The following KIF26A variants were observed in gnomAD, a reference collection of about 807,000 sequenced individuals.
KIF26A encodes the protein kinesin family member 26A, also known as kinesin-like protein KIF26A.
KIF26A carries 74 observed loss-of-function variants against 126.0 expected under a neutral mutation model. The observed-to-expected ratio is 0.59, with a 90% confidence interval of 0.49 to 0.71. KIF26A has a LOEUF of 0.71. Ranked by LOEUF, KIF26A falls within the 30% of genes least tolerant of loss-of-function variation. KIF26A has a pLI of 0.00. For synonymous variants in KIF26A, 1,445 were observed against 1,232.7 expected, an observed-to-expected ratio of 1.17 and a Z score of -3.61; for missense variants, 2,984 against 2,763.3, an observed-to-expected ratio of 1.08 and a Z score of -1.79.
rs373969087 is a variant in KIF26A at position 104,177,798 on chromosome 14, C to A, written c.5010C>A (p.Thr1670=). 10 of 1,558,314 alleles carry A rather than the reference C, an allele frequency of 6.4e-6. No homozygotes were observed. The highest frequency in any genetic ancestry group is 8.6e-6 in the Non-Finnish European group (10 of 1,159,846). ...YESLRRDSEA[T]GSASSAPDSM... ...GCCTGCGGCGCGACAGCGAGGCCAC[C>A]GGCAGCGCCTCCTCCGCCCCTGACT... Residue 1670 remains threonine, a synonymous_variant, in exon 12 of 15, where the codon ACC becomes ACA. Transcript: ENST00000423312.
At position 104,177,094 on chromosome 14, in the gene KIF26A, G is replaced by C. The variant is rs182750048; in HGVS notation, c.4306G>C (p.Ala1436Pro). ...VEAAHRLAGH[A>P]SLERYEGLAH... Reference sequence around the variant, plus strand: ...AGCAGCACACCGTCTTGCCGGACACGCGTCTCTGGAGCGGTACGAAGGCCT... The same window carrying C: ...AGCAGCACACCGTCTTGCCGGACACCCGTCTCTGGAGCGGTACGAAGGCCT... The change falls in exon 12 of 15, where the codon GCG (alanine) becomes CCG (proline). Residue 1436 changes from alanine (A) to proline (P), a missense_variant. Ala to Pro is a conservative substitution (Grantham distance 27). Coordinates refer to ENST00000423312, the MANE Select transcript of KIF26A (RefSeq NM_015656.2). 2.9e-5 allele frequency: 46 copies of C among 1,596,840 alleles called. No homozygotes were observed. In the Middle Eastern group the frequency reaches 4.9e-4, roughly 17 times the overall value.
At chr14:104,167,147 C>A in intron 5 of KIF26A, 99 bp downstream of exon 5, 1 of 1,282,912 alleles carries the variant, frequency 7.8e-7, no homozygotes, top group Non-Finnish European at 1.0e-6. Flanking sequence ...CCACTTCCTT[C>A]TCTGGGTTGG....
Position 104,175,288 on chromosome 14 carries a change from G to C in KIF26A, c.2500G>C (p.Asp834His). The C allele has an allele frequency of 6.2e-7, 1 of 1,605,108 alleles. No homozygotes were observed. Among genetic ancestry groups the C allele is most frequent in the Non-Finnish European group, 8.5e-7 (1 of 1,179,604 alleles). Residue 834 changes from aspartate (D) to histidine (H), a missense_variant, in exon 12 of 15, where the codon GAC becomes CAC. Coordinates refer to ENST00000423312, the MANE Select transcript of KIF26A (RefSeq NM_015656.2). ...GCCCTCCAAGGGTCCCCGAGACGCA[G>C]ACCACTTCCGCTGCAGCACCTTCGC... The part of the protein sequence containing the change: ...HRPSKGPRDA[D>H]HFRCSTFAEL...
intron 2 of KIF26A, among the ~76,000 whole-genome samples, chr14:104,141,480 C>G (rs1210095426): frequency 2.0e-5 from 3 of 152,176 alleles, no homozygotes; most frequent in African/African-American, 7.2e-5. Context: ...TATTAGAGGC[C>G]CTCGCCTCCG....
rs748056621 is a variant in KIF26A, at chr14:104,173,555, T to G, written c.1867+42T>G. On this transcript the variant is annotated intron_variant, in intron 9 of 14. Coordinates refer to ENST00000423312, the MANE Select transcript of KIF26A (RefSeq NM_015656.2). ...CACTCCCGGGCCCCTGTGGGATGCG[T>G]GTCAGCAGAGACCCAGGCACAGGGG... 13 of 1,512,964 alleles carry G rather than the reference T, an allele frequency of 8.6e-6. 1 individual carries two copies. The highest frequency in any genetic ancestry group is 1.2e-5 in the Non-Finnish European group (13 of 1,126,760). The allele number at this position is 1,512,964 out of a possible 1,614,324, so 93.7% of individuals were successfully genotyped here. A position where few individuals can be genotyped will look rare whatever the true frequency, so the allele number is the denominator to read the frequency against.
Position 104,179,437 on chromosome 14 carries a change from A to G in KIF26A, c.5467+51A>G. On this transcript the variant is annotated intron_variant, in intron 14 of 14. Coordinates refer to ENST00000423312, the MANE Select transcript of KIF26A (RefSeq NM_015656.2). ...AGCCCGGCCCACCGTGTGCCCTGAC[A>G]GCTGCCCTCCCCTCCCAGAGCCCTG... 4.1e-6 allele frequency: 6 copies of G among 1,452,594 alleles called. No individual in the cohort carries two copies. In the South Asian group the frequency reaches 8.4e-5, roughly 20 times the overall value. 90.0% of individuals were successfully genotyped at this position (1,452,594 alleles called of 1,614,324 possible).
At position 104,148,931 on chromosome 14, in the gene KIF26A, G is replaced by A. The variant is rs1243729580; in HGVS notation, c.289-3084G>A. 1.3e-5 allele frequency among the ~76,000 whole-genome samples: 2 copies of A among 152,154 alleles called. No individual in the cohort carries two copies. Among genetic ancestry groups the A allele is most frequent in the Non-Finnish European group, 2.9e-5 (2 of 68,018 alleles). ...TTGTCTTAGCTGGACAGTGTGCTGG[G>A]CCCCAGGCTGGTCCTGCAAATAGGA... On this transcript the variant is annotated intron_variant, in intron 2 of 14. Transcript: ENST00000423312. The surrounding 1 kb of genome is among the most constrained non-coding windows in gnomAD (Gnocchi z 4.3).
chr14:104,179,846 G>A lies in KIF26A; in HGVS notation c.*56G>A. On this transcript the variant is annotated 3_prime_UTR_variant, in exon 15 of 15. Transcript: ENST00000423312. ...GCAGCGGGCTGGAGGACGGGACGTG[G>A]GACGGAGCGAGGATGTGGTGGGGGC... The A allele has an allele frequency of 4.8e-6, 7 of 1,459,426 alleles. No individual in the cohort carries two copies. Among genetic ancestry groups the A allele is most frequent in the Non-Finnish European group, 6.4e-6 (7 of 1,101,604 alleles). 90.4% of individuals were successfully genotyped at this position (1,459,426 alleles called of 1,614,324 possible). A position where few individuals can be genotyped will look rare whatever the true frequency, so the allele number is the denominator to read the frequency against.
intron 3 of KIF26A, among the ~76,000 whole-genome samples, 197 bp from the exon 4 acceptor site, chr14:104,157,558 C>G (rs1265092631): frequency 1.3e-5 from 2 of 152,328 alleles, no homozygotes; most frequent in African/African-American, 4.8e-5. Context: ...CCCAGGCAGG[C>G]CTTCCCCACT....
chr14:104,172,043 C>T (rs1447886887), intron 6 of KIF26A, 108 bp downstream of exon 6: 16 of 1,104,148 alleles, frequency 1.4e-5, no homozygotes, highest in Non-Finnish European at 1.9e-5. Flanking sequence ...GCAGAGGAAG[C>T]GTGAGCGAGG....
rs749825689 is a variant in KIF26A at position 104,175,946 on chromosome 14, G to A, written c.3158G>A (p.Ser1053Asn). 52 of 1,563,742 alleles carry A rather than the reference G, an allele frequency of 3.3e-5. No homozygotes were observed. Among genetic ancestry groups the A allele is most frequent in the Non-Finnish European group, 4.0e-5 (46 of 1,160,996 alleles). Residue 1053 changes from serine to asparagine, a missense_variant, in exon 12 of 15, where the codon AGC becomes AAC. By Grantham distance (46) the Ser-to-Asn change is conservative (BLOSUM62 1). Coordinates refer to ENST00000423312, the MANE Select transcript of KIF26A (RefSeq NM_015656.2). ...GALAGAGRPT[S>N]LASFDSDCSL... Reference sequence around the variant, plus strand: ...CTTGCCGGAGCTGGGCGGCCCACCAGCCTGGCTAGCTTCGACAGTGACTGC... The same window carrying A: ...CTTGCCGGAGCTGGGCGGCCCACCAACCTGGCTAGCTTCGACAGTGACTGC...
Position 104,175,632 on chromosome 14 carries a change from G to C in KIF26A, c.2844G>C (p.Leu948=). Reference sequence around the variant, plus strand: ...CAGTGAGTGGAGGCAGGAGGCCACTGCCCAGCCCGGCTCCCCCACCTCCTC... The same window carrying C: ...CAGTGAGTGGAGGCAGGAGGCCACTCCCCAGCCCGGCTCCCCCACCTCCTC... ...KAAVSGGRRP[L]PSPAPPPPQL... Residue 948 remains leucine, a synonymous_variant, in exon 12 of 15, where the codon CTG becomes CTC. Coordinates refer to ENST00000423312, the MANE Select transcript of KIF26A (RefSeq NM_015656.2). 6.2e-7 allele frequency: 1 copy of C among 1,610,698 alleles called. No homozygotes were observed. Among genetic ancestry groups the C allele is most frequent in the Non-Finnish European group, 8.5e-7 (1 of 1,179,572 alleles).
intron 1 of KIF26A, 117 bp downstream of exon 1, chr14:104,138,881 C>G (rs956028360): frequency 8.7e-5 from 109 of 1,259,018 alleles, no homozygotes; most frequent in Non-Finnish European, 1.0e-4. Flanking sequence ...GTAGCGGACC[C>G]GCAGGCGGGA....
intron 5 of KIF26A, 101 bp from the exon 6 acceptor site, chr14:104,171,622 C>G: frequency 9.9e-7 from 1 of 1,005,038 alleles, no homozygotes. Flanking sequence ...CAGTGTGAGG[C>G]CTGGCCCGCT....
chr14:104,156,567 CCCGGGAGGGGCCTGGAAGCTGGTA>C (rs2037779768), intron 3 of KIF26A, among the ~76,000 whole-genome samples: 1 of 152,140 alleles, frequency 6.6e-6, no homozygotes, highest in African/African-American at 2.4e-5. Context: ...TGTTCCAGGT[CCCGGGAGGGGCCTGGAAGCTGGTA>C]CCGGCCATGG....
intron 2 of KIF26A, among the ~76,000 whole-genome samples, chr14:104,140,944 G>A (rs11628529): frequency 0.12 from 17,644 of 152,252 alleles, 1,145 homozygotes; most frequent in Middle Eastern, 0.15. Flanking sequence ...GGGGCCTGTT[G>A]TGAAGTGCTG....
At chr14:104,178,792 G>C (rs1427255569) in intron 13 of KIF26A, 37 bp downstream of exon 13, 4 of 1,213,128 alleles carry the variant, frequency 3.3e-6, no homozygotes, top group Non-Finnish European at 4.6e-6. Flanking sequence ...ATGACCCCTG[G>C]TGGGGAGCCT....
chr14:104,170,670 G>C (rs528176356), intron 5 of KIF26A, among the ~76,000 whole-genome samples: 17 of 152,380 alleles, frequency 1.1e-4, no homozygotes, highest in African/African-American at 3.8e-4. Flanking sequence ...CCTGGTTCAG[G>C]GTGGCCCTCG....
rs2038054760 is a variant in KIF26A, at chr14:104,178,042, G to C, written c.5110+144G>C. Reference sequence around the variant, plus strand: ...TCCCAGACCCACACAGCCGTGGACGGTTTACAGACTCGCCTGGGGCTTTTT... The same window carrying C: ...TCCCAGACCCACACAGCCGTGGACGCTTTACAGACTCGCCTGGGGCTTTTT... On this transcript the variant is annotated intron_variant, in intron 12 of 14. Coordinates refer to ENST00000423312, the MANE Select transcript of KIF26A (RefSeq NM_015656.2). 4 of 967,546 alleles carry C rather than the reference G, an allele frequency of 4.1e-6. No homozygotes were observed. The South Asian group carries it at 9.1e-5, about 22-fold the overall frequency. 59.9% of individuals were successfully genotyped at this position (967,546 alleles called of 1,614,324 possible). A position where few individuals can be genotyped will look rare whatever the true frequency, so the allele number is the denominator to read the frequency against.
Sources: allele counts gnomAD v4.1 joint callset (sites outside exome capture counted in the v4.1 genomes callset), GRCh38; gene constraint gnomAD v4.1.1; non-coding constraint Gnocchi (gnomAD v3.1); transcripts MANE v1.5; gene names NCBI Gene and HGNC (gene_info 2026-07-23, HGNC 2026-07-21).